Variants in SRGAP3 observed in about 807,000 individuals in gnomAD.
The protein encoded by SRGAP3 is SLIT-ROBO Rho GTPase-activating protein 3.
Under a neutral mutation model 121.1 loss-of-function variants are expected in SRGAP3, and 39 were observed. That is an observed-to-expected ratio of 0.32 (90% confidence interval 0.25 to 0.42). The LOEUF (loss-of-function observed/expected upper bound fraction) is 0.42, where lower values mean the gene tolerates loss of function less well. Among genes scored for constraint, SRGAP3 ranks in the 10% least tolerant of loss-of-function variants. The probability of loss-of-function intolerance (pLI) is 1.00; values close to 1 mark genes in which losing one functional copy is unlikely to be tolerated. For synonymous variants in SRGAP3, 601 were observed against 570.0 expected (o/e 1.05, Z -0.77); for missense variants, 1,213 against 1,470.6 (o/e 0.82, Z 2.86).
At chr3:9,125,080 A>G (rs113807405) in intron 1 of SRGAP3, 163 bp from the exon 2 acceptor site, 2 of 768,880 alleles carry the variant, frequency 2.6e-6, no homozygotes. Flanking sequence ...TTGGCAGAGC[A>G]TTGGCACAAA....
intron 1 of SRGAP3, chr3:9,125,120 A>T: frequency 1.5e-6 from 1 of 646,320 alleles, no homozygotes; most frequent in Non-Finnish European, 2.6e-6. Context: ...TTTGCCATTG[A>T]TCTAACCAAA....
At chr3:9,040,261 C>T (rs567179196) in intron 10 of SRGAP3, among the ~76,000 whole-genome samples, 48 of 152,294 alleles carry the variant, frequency 3.2e-4, no homozygotes, top group Non-Finnish European at 5.6e-4. Context: ...AACCTCTCAT[C>T]GCACAAGGGA....
chr3:9,173,403 C>T (rs922994511), intron 1 of SRGAP3, among the ~76,000 whole-genome samples: 2 of 152,108 alleles, frequency 1.3e-5, no homozygotes, highest in African/African-American at 4.8e-5. Flanking sequence ...GTCACTGACA[C>T]CTACTAAGAT....
intron 14 of SRGAP3, among the ~76,000 whole-genome samples, chr3:9,020,513 A>G (rs141014121): frequency 6.6e-6 from 1 of 152,306 alleles, no homozygotes; most frequent in East Asian, 1.9e-4. Flanking sequence ...CTGTGGTCTC[A>G]TAATTCAAAA....
chr3:9,078,820 C>G (rs1428160933), intron 4 of SRGAP3, among the ~76,000 whole-genome samples: 1 of 152,174 alleles, frequency 6.6e-6, no homozygotes, highest in Admixed American at 6.5e-5. Context: ...ACCCACAACT[C>G]AAGTTTTGCT....
At chr3:9,345,491 A>G (rs1955868559) in intron 1 of SRGAP3, among the ~76,000 whole-genome samples, 1 of 150,930 alleles carries the variant, frequency 6.6e-6, no homozygotes, top group Non-Finnish European at 1.5e-5. Context: ...CAAAAAAAAA[A>G]GAAAAAAGAG....
intron 4 of SRGAP3, among the ~76,000 whole-genome samples, chr3:9,078,992 C>T (rs929350906): frequency 2.0e-5 from 3 of 152,126 alleles, no homozygotes; most frequent in Non-Finnish European, 4.4e-5. Flanking sequence ...GAGGTCCAGG[C>T]CCTCCCGCAA....
At chr3:9,029,044 T>C (rs1389932079) in intron 12 of SRGAP3, among the ~76,000 whole-genome samples, 1 of 152,190 alleles carries the variant, frequency 6.6e-6, no homozygotes, top group Non-Finnish European at 1.5e-5. Context: ...GCTAGAGTCA[T>C]CTGTCCAGTT....
At chr3:9,213,328 GA>G (rs35735660) in intron 1 of SRGAP3, among the ~76,000 whole-genome samples, 82,250 of 147,672 alleles carry the variant, frequency 0.56, 23,161 homozygotes, top group African/African-American at 0.7. Context: ...TGCATCATCT[GA>G]AAAAAAAAAA....
At chr3:9,269,957 C>T (rs750002394) in intron 3 of SRGAP3, among the ~76,000 whole-genome samples, 9 of 152,064 alleles carry the variant, frequency 5.9e-5, no homozygotes, top group Admixed American at 1.3e-4. Context: ...CATAAGGAAA[C>T]GGTTCTCAAA....
At chr3:9,020,311 A>C (rs9818664) in intron 14 of SRGAP3, among the ~76,000 whole-genome samples, 5,877 of 150,350 alleles carry the variant, frequency 0.039, 370 homozygotes, top group African/African-American at 0.14. Context: ...GTAGAATCTC[A>C]ACCTTTTTTT....
chr3:9,290,905 T>A (rs945428223), intron 3 of SRGAP3, among the ~76,000 whole-genome samples: 3 of 152,192 alleles, frequency 2.0e-5, no homozygotes, highest in African/African-American at 7.2e-5. Context: ...TATAAGGATG[T>A]GTATTATTTC....
At chr3:9,013,185 G>A (rs894940776) in intron 17 of SRGAP3, 123 bp downstream of exon 17, 18 of 956,750 alleles carry the variant, frequency 1.9e-5, no homozygotes, top group Non-Finnish European at 2.6e-5. Flanking sequence ...AAGCTCAGAT[G>A]AGAAAATGTA....
chr3:9,149,840 C>A (rs1483317957), intron 1 of SRGAP3, among the ~76,000 whole-genome samples: 50 of 152,220 alleles, frequency 3.3e-4, no homozygotes, highest in Admixed American at 3.1e-3. Flanking sequence ...AATTCTACGG[C>A]AGTAGCTAAC....
intron 5 of SRGAP3, among the ~76,000 whole-genome samples, chr3:9,062,809 T>A (rs1946237329): frequency 6.6e-6 from 1 of 152,260 alleles, no homozygotes; most frequent in Admixed American, 6.5e-5. Context: ...ATCTTTTGGC[T>A]ATTAAGAATA....
chr3:9,162,801 A>G (rs1346743393), intron 1 of SRGAP3, among the ~76,000 whole-genome samples: 2 of 152,192 alleles, frequency 1.3e-5, no homozygotes, highest in Admixed American at 6.5e-5. Context: ...GGAAACAACA[A>G]TGGGAGTACT....
chr3:9,304,878 C>T (rs1024273049), intron 3 of SRGAP3, among the ~76,000 whole-genome samples: 19 of 152,164 alleles, frequency 1.2e-4, no homozygotes, highest in Admixed American at 1.0e-3. Context: ...CTGACAGATA[C>T]CATTCTCCAC....
chr3:9,069,758 C>T (rs1052548376), intron 4 of SRGAP3, among the ~76,000 whole-genome samples: 2 of 152,106 alleles, frequency 1.3e-5, no homozygotes, highest in African/African-American at 2.4e-5. Flanking sequence ...ACCAGCCTGG[C>T]CAACATAGTG....
intron 1 of SRGAP3, among the ~76,000 whole-genome samples, chr3:9,199,200 G>T (rs1411358222): frequency 6.6e-6 from 1 of 152,188 alleles, no homozygotes; most frequent in Non-Finnish European, 1.5e-5. Context: ...CATTTGCAAT[G>T]GGCTTAATCA....
Sources: gnomAD v4.1 joint callset for allele counts (sites outside exome capture counted in the v4.1 genomes callset) on GRCh38, gnomAD v4.1.1 for gene constraint, MANE v1.5 for transcripts, NCBI Gene and HGNC (gene_info 2026-07-23, HGNC 2026-07-21) for gene names.